The following COL11A1 variants were observed in gnomAD, a reference collection of about 807,000 sequenced individuals.
COL11A1 encodes the protein collagen alpha-1(XI) chain.
A neutral mutation model predicts 265.2 loss-of-function variants in COL11A1; 74 were observed. That is an observed-to-expected ratio of 0.28 (90% CI 0.23 to 0.34). COL11A1 has a LOEUF of 0.34. COL11A1 is among the 10% of genes least tolerant of loss of function. The pLI is 1.00. For synonymous variants in COL11A1, 816 were observed against 727.6 expected, an observed-to-expected ratio of 1.12 and a Z score of -1.96; for missense variants, 2,165 against 2,263.6, an observed-to-expected ratio of 0.96 and a Z score of 0.88.
chr1:103,052,921 G>T (rs768288455), intron 4 of COL11A1, among the ~76,000 whole-genome samples: 3 of 151,996 alleles, frequency 2.0e-5, no homozygotes, highest in Admixed American at 6.6e-5. Context: ...AAAACAACCT[G>T]GTAATTACAG....
rs147938425 is a variant in COL11A1 at position 103,083,952 on chromosome 1, T to G, written c.107-980A>C. On this transcript the variant is annotated intron_variant, in intron 1 of 66. Coordinates refer to ENST00000370096, the MANE Select transcript of COL11A1 (RefSeq NM_001854.4). ...TCAATATAAAATATGTTTGGAACCT[T>G]AAACTTTCCCTTTGTAAGTGTGACC... Among the ~76,000 whole-genome samples, 95 of 152,280 alleles carry G rather than the reference T, an allele frequency of 6.2e-4. 1 individual carries two copies. The highest frequency in any genetic ancestry group is 2.2e-3 in the African/African-American group (92 of 41,562).
intron 54 of COL11A1, among the ~76,000 whole-genome samples, chr1:102,901,774 A>G (rs1653237856): frequency 6.6e-6 from 1 of 152,190 alleles, no homozygotes; most frequent in Admixed American, 6.5e-5. Flanking sequence ...AGCATCTAAT[A>G]TAATCTTCTT....
chr1:103,010,203 A>T (rs1665985758), intron 14 of COL11A1, among the ~76,000 whole-genome samples: 1 of 152,210 alleles, frequency 6.6e-6, no homozygotes, highest in Non-Finnish European at 1.5e-5. Flanking sequence ...CATAGGAAAA[A>T]TGTACAGATG....
chr1:102,994,791 G>C (rs1226421434), intron 28 of COL11A1, among the ~76,000 whole-genome samples: 2 of 152,064 alleles, frequency 1.3e-5, no homozygotes, highest in Non-Finnish European at 1.5e-5. Flanking sequence ...CTTTTACATT[G>C]CTATAAAGAT....
At chr1:102,937,802 C>A (rs1658301863) in intron 44 of COL11A1, among the ~76,000 whole-genome samples, 3 of 152,114 alleles carry the variant, frequency 2.0e-5, no homozygotes, top group Admixed American at 1.3e-4. Context: ...CCCTATTTTC[C>A]TTATAAATTA....
At chr1:103,099,369 T>C (rs1225316864) in intron 1 of COL11A1, among the ~76,000 whole-genome samples, 1 of 151,236 alleles carries the variant, frequency 6.6e-6, no homozygotes, top group African/African-American at 2.4e-5. Context: ...TAATTTACTT[T>C]CTAACTTGAA....
intron 41 of COL11A1, 101 bp downstream of exon 41, chr1:102,961,765 T>C (rs1453468171): frequency 5.5e-6 from 6 of 1,099,606 alleles, no homozygotes; most frequent in African/African-American, 1.5e-5. Context: ...ATGTGTTTAT[T>C]TTCTCTCCCA....
At chr1:103,017,953 C>G (rs1226711567) in intron 10 of COL11A1, 71 bp from the exon 11 acceptor site, 1 of 1,224,874 alleles carries the variant, frequency 8.2e-7, no homozygotes, top group Non-Finnish European at 1.2e-6. Flanking sequence ...TCACTCTAGT[C>G]CTATCGAAGA....
At chr1:102,968,741 C>A (rs867094658) in intron 37 of COL11A1, among the ~76,000 whole-genome samples, 3 of 152,096 alleles carry the variant, frequency 2.0e-5, no homozygotes, top group Non-Finnish European at 4.4e-5. Flanking sequence ...CAGAAATAAT[C>A]CTGGCTTTTA....
chr1:103,039,138 T>C (rs1668612699), intron 4 of COL11A1, among the ~76,000 whole-genome samples: 2 of 152,182 alleles, frequency 1.3e-5, no homozygotes, highest in African/African-American at 4.8e-5. Context: ...GACAGTGACT[T>C]TTATTTATTT....
chr1:102,934,628 C>G, intron 45 of COL11A1, 72 bp from the exon 46 acceptor site: 3 of 1,219,056 alleles, frequency 2.5e-6, no homozygotes, highest in Non-Finnish European at 3.6e-6. Context: ...AAAAATGTGG[C>G]CATTTCTAAT....
intron 30 of COL11A1, among the ~76,000 whole-genome samples, chr1:102,984,716 T>A (rs548974401): frequency 3.0e-4 from 46 of 152,040 alleles, no homozygotes; most frequent in Non-Finnish European, 5.9e-4. Context: ...AAATTCAGAA[T>A]TAAATTTTAA....
intron 41 of COL11A1, among the ~76,000 whole-genome samples, chr1:102,957,250 T>C (rs1004785274): frequency 3.3e-5 from 5 of 152,174 alleles, no homozygotes; most frequent in African/African-American, 7.2e-5. Context: ...AACACTTGAA[T>C]GGATACATTA....
In COL11A1 at chr1:102,962,780, T is replaced by C. The variant is rs371776916; in HGVS notation, c.2917-20A>G. 86 of 1,599,074 alleles carry C rather than the reference T, an allele frequency of 5.4e-5. 1 individual carries two copies. In the African/African-American group the frequency reaches 8.8e-4, roughly 16 times the overall value. ...TGGTCCCTAAATTAGATAAGCAAAATCACTTTAGATTGCTCTTTTATTTTT... is the reference window on the plus strand; with the variant it reads ...TGGTCCCTAAATTAGATAAGCAAAACCACTTTAGATTGCTCTTTTATTTTT... On this transcript the variant is annotated intron_variant, in intron 38 of 66. Coordinates refer to ENST00000370096, the MANE Select transcript of COL11A1 (RefSeq NM_001854.4).
chr1:103,104,613 C>T (rs1674550861), intron 1 of COL11A1, among the ~76,000 whole-genome samples: 2 of 152,050 alleles, frequency 1.3e-5, no homozygotes, highest in Admixed American at 1.3e-4. Context: ...TATTAAGAAA[C>T]TTAATTTCAA....
intron 13 of COL11A1, 93 bp downstream of exon 13, chr1:103,014,418 T>C (rs1666388334): frequency 9.6e-7 from 1 of 1,047,028 alleles, no homozygotes; most frequent in African/African-American, 1.6e-5. Context: ...GTAAATATTC[T>C]ATTAATAATG....
chr1:102,927,467 A>G (rs573224574), intron 46 of COL11A1, among the ~76,000 whole-genome samples: 16 of 152,274 alleles, frequency 1.1e-4, no homozygotes, highest in Admixed American at 3.9e-4. Context: ...CTGTAATCCC[A>G]GCACTTTGGG....
intron 41 of COL11A1, chr1:102,961,665 C>T: frequency 5.5e-6 from 3 of 545,080 alleles, no homozygotes; most frequent in Non-Finnish European, 9.9e-6. Context: ...GCAGCAGAAG[C>T]AAATATTTCC....
At chr1:102,920,785 A>C (rs542855120) in intron 48 of COL11A1, among the ~76,000 whole-genome samples, 185 of 152,324 alleles carry the variant, frequency 1.2e-3, no homozygotes, top group African/African-American at 4.4e-3. Context: ...AAGAAGAATG[A>C]AAATCTAAAA....
Sources: gnomAD v4.1 joint callset for allele counts (sites outside exome capture counted in the v4.1 genomes callset) on GRCh38, gnomAD v4.1.1 for gene constraint, MANE v1.5 for transcripts, NCBI Gene and HGNC (gene_info 2026-07-23, HGNC 2026-07-21) for gene names.